MAPRE2: variants seen among roughly 807,000 people sequenced by gnomAD.
The protein encoded by MAPRE2 is microtubule-associated protein RP/EB family member 2.
A neutral mutation model predicts 43.2 loss-of-function variants in MAPRE2; 13 were observed. The ratio of observed to expected loss-of-function variants is 0.30; its 90% CI spans 0.20 to 0.48. MAPRE2 has a LOEUF of 0.48. Among genes scored for constraint, MAPRE2 ranks in the 20% least tolerant of loss-of-function variants. The pLI is 0.99. For missense variants in MAPRE2, 161 were observed against 400.2 expected (o/e 0.40, Z 5.10); for synonymous variants, 135 against 148.8 (o/e 0.91, Z 0.68).
At chr18:34,981,622 G>C (rs2097016254) in intron 1 of MAPRE2, among the ~76,000 whole-genome samples, 1 of 151,968 alleles carries the variant, frequency 6.6e-6, no homozygotes, top group South Asian at 2.1e-4. Flanking sequence ...AATCATAATT[G>C]GGTAAATGGT....
chr18:35,089,420 ATT>A (rs1453732992), intron 2 of MAPRE2, among the ~76,000 whole-genome samples: 18 of 152,246 alleles, frequency 1.2e-4, no homozygotes, highest in African/African-American at 4.1e-4. Context: ...TGATAAGGAA[ATT>A]ATATCTAGAA....
intron 1 of MAPRE2, among the ~76,000 whole-genome samples, chr18:35,063,275 T>C (rs1043878632): frequency 2.6e-5 from 4 of 152,040 alleles, no homozygotes; most frequent in Admixed American, 6.5e-5. Context: ...GGCTAATTTT[T>C]TTTTTGTATT....
chr18:35,089,139 T>C (rs1223462476), intron 2 of MAPRE2, among the ~76,000 whole-genome samples: 1 of 152,118 alleles, frequency 6.6e-6, no homozygotes, highest in African/African-American at 2.4e-5. Flanking sequence ...AATGACTCAG[T>C]GAGTAAGAGG....
chr18:35,100,294 G>A (rs1029715271), intron 3 of MAPRE2, among the ~76,000 whole-genome samples: 1 of 152,170 alleles, frequency 6.6e-6, no homozygotes, highest in Admixed American at 6.5e-5. Context: ...AGTGAGAATG[G>A]CTATTACTAA....
chr18:35,120,797 A>T (rs928745170), intron 4 of MAPRE2, among the ~76,000 whole-genome samples: 5 of 152,110 alleles, frequency 3.3e-5, no homozygotes, highest in African/African-American at 1.2e-4. Flanking sequence ...GGGATAAGAA[A>T]GTAATATCAA....
chr18:35,001,561 A>T (rs2097029378), intron 1 of MAPRE2, among the ~76,000 whole-genome samples: 1 of 151,988 alleles, frequency 6.6e-6, no homozygotes, highest in Non-Finnish European at 1.5e-5. Context: ...GCTATTTCAA[A>T]CTCACTTCTG....
intron 2 of MAPRE2, among the ~76,000 whole-genome samples, chr18:35,086,339 A>C (rs1907878092): frequency 6.6e-6 from 1 of 151,932 alleles, no homozygotes; most frequent in Admixed American, 6.6e-5. Context: ...TTATATATAG[A>C]GATGATGTTT....
intron 2 of MAPRE2, among the ~76,000 whole-genome samples, chr18:35,010,927 T>C (rs1331858652): frequency 6.6e-6 from 1 of 152,214 alleles, no homozygotes; most frequent in Non-Finnish European, 1.5e-5. Flanking sequence ...TATGAATGTC[T>C]GTTATACTAT....
chr18:35,126,305 G>A (rs754177518), intron 4 of MAPRE2, among the ~76,000 whole-genome samples: 11 of 152,164 alleles, frequency 7.2e-5, no homozygotes, highest in Admixed American at 1.3e-4. Context: ...AAATCCTGGA[G>A]CACCTCCTTG....
At chr18:34,985,595 A>G (rs2097020368) in intron 1 of MAPRE2, among the ~76,000 whole-genome samples, 1 of 89,822 alleles carries the variant, frequency 1.1e-5, no homozygotes, top group African/African-American at 4.4e-5. Flanking sequence ...ACTATAATAT[A>G]TAACATATGA....
intron 1 of MAPRE2, among the ~76,000 whole-genome samples, chr18:34,979,741 G>T (rs570178809): frequency 6.6e-6 from 1 of 151,974 alleles, no homozygotes; most frequent in Non-Finnish European, 1.5e-5. Flanking sequence ...AAATAGAAAT[G>T]GTTACACTTA....
rs939297379 is a variant in MAPRE2 at position 35,108,432 on chromosome 18, A to G, written c.610+6273A>G. 5.3e-5 allele frequency among the ~76,000 whole-genome samples: 8 copies of G among 151,674 alleles called. No individual in the cohort carries two copies. In the East Asian group the frequency reaches 1.2e-3, roughly 22 times the overall value. ...TTGTAAACAGTGCTGCAGTAAACAT[A>G]TGTGTGCATGTGTCTTTATAGCAGA... is the stretch of plus-strand genomic sequence containing the variant. On this transcript the variant is annotated intron_variant, in intron 4 of 6. Coordinates refer to ENST00000300249, the MANE Select transcript of MAPRE2 (RefSeq NM_014268.4).
At chr18:35,091,161 A>G (rs1008275683) in intron 2 of MAPRE2, among the ~76,000 whole-genome samples, 9 of 152,270 alleles carry the variant, frequency 5.9e-5, no homozygotes, top group Non-Finnish European at 8.8e-5. Flanking sequence ...TCCAAAAATC[A>G]TAATGCTTCA....
Position 35,125,476 on chromosome 18 carries a change from C to T in MAPRE2, c.611-1472C>T, listed in dbSNP as rs180942352. On this transcript the variant is annotated intron_variant, in intron 4 of 6. Transcript: ENST00000300249. ...ACATGTTCAGCTGAGCATTGTGCTACGCACTGGGGTTACAAAGATGAGTAA... is the reference window on the plus strand; with the variant it reads ...ACATGTTCAGCTGAGCATTGTGCTATGCACTGGGGTTACAAAGATGAGTAA... Among the ~76,000 whole-genome samples the T allele has an allele frequency of 3.2e-4, 48 of 152,352 alleles. 1 individual carries two copies. Among genetic ancestry groups the T allele is most frequent in the African/African-American group, 9.1e-4 (38 of 41,578 alleles).
intron 4 of MAPRE2, among the ~76,000 whole-genome samples, chr18:35,110,904 G>A (rs185651838): frequency 7.3e-4 from 111 of 152,236 alleles, no homozygotes; most frequent in Non-Finnish European, 1.2e-3. Flanking sequence ...TGAGTAGTGC[G>A]ACTATGATGT....
rs184789078 is a variant in MAPRE2 at position 35,131,039 on chromosome 18, T to C, written c.751-993T>C. 4.1e-3 allele frequency among the ~76,000 whole-genome samples: 624 copies of C among 152,318 alleles called. 7 individuals are homozygous for C. The highest frequency in any genetic ancestry group is 2.7e-3 in the Non-Finnish European group (182 of 68,022). On this transcript the variant is annotated intron_variant, in intron 5 of 6. Coordinates refer to ENST00000300249, the MANE Select transcript of MAPRE2 (RefSeq NM_014268.4). Reference sequence around the variant, plus strand: ...AGGGAATAGGCCTTCCTTGCCCTCCTGCCTTCCCAGTGACGTACCCAAAGC... The same window carrying C: ...AGGGAATAGGCCTTCCTTGCCCTCCCGCCTTCCCAGTGACGTACCCAAAGC...
intron 1 of MAPRE2, among the ~76,000 whole-genome samples, chr18:34,995,319 G>A (rs2097025921): frequency 6.6e-6 from 1 of 152,126 alleles, no homozygotes; most frequent in Non-Finnish European, 1.5e-5. Flanking sequence ...AATTTGGCAG[G>A]ACTTCCAAGC....
chr18:35,062,226 CAGA>C (rs1244613087), intron 1 of MAPRE2, among the ~76,000 whole-genome samples: 1 of 152,146 alleles, frequency 6.6e-6, no homozygotes, highest in Non-Finnish European at 1.5e-5. Context: ...TATTCTAATG[CAGA>C]AGTAGTCTTT....
At chr18:35,022,742 T>A (rs2097042723) in intron 2 of MAPRE2, among the ~76,000 whole-genome samples, 1 of 152,208 alleles carries the variant, frequency 6.6e-6, no homozygotes, top group Non-Finnish European at 1.5e-5. Flanking sequence ...GAACATAATG[T>A]AGATGCTAGT....
Sources: gnomAD v4.1 joint callset for allele counts (sites outside exome capture counted in the v4.1 genomes callset) on GRCh38, gnomAD v4.1.1 for gene constraint, MANE v1.5 for transcripts, NCBI Gene and HGNC (gene_info 2026-07-23, HGNC 2026-07-21) for gene names.